Variants in FRMD4A observed in about 807,000 individuals in gnomAD.
The protein encoded by FRMD4A is FERM domain-containing protein 4A.
Under a neutral mutation model 129.1 loss-of-function variants are expected in FRMD4A, and 29 were observed. The observed-to-expected ratio is 0.22, with a 90% CI of 0.17 to 0.31. The LOEUF is 0.31. Among genes scored for constraint, FRMD4A ranks in the 10% least tolerant of loss-of-function variants. The pLI is 1.00. For missense variants in FRMD4A, 1,272 were observed against 1,375.8 expected (o/e 0.92, Z 1.19); for synonymous variants, 634 against 571.6 (o/e 1.11, Z -1.56).
chr10:13,932,958 C>G (rs113704783), intron 2 of FRMD4A, among the ~76,000 whole-genome samples: 1 of 151,994 alleles, frequency 6.6e-6, no homozygotes, highest in African/African-American at 2.4e-5. Context: ...CTGAGGATTT[C>G]GAGACCATCC....
rs3032918 is a variant in FRMD4A, at chr10:13,881,252, T to TAAAA, written c.46-22344_46-22341dup. ...GGCAATCTAGTGAGACCCCCATCTC[T>TAAAA]AAAAAAAAAAAAAAAAAAAAATTAG... is the stretch of plus-strand genomic sequence containing the variant. On this transcript the variant is annotated intron_variant, in intron 2 of 24. Coordinates refer to ENST00000357447, the MANE Select transcript of FRMD4A (RefSeq NM_018027.5). Among the ~76,000 whole-genome samples the TAAAA allele has an allele frequency of 5.7e-3, 686 of 120,294 alleles. 6 individuals carry two copies. The highest frequency in any genetic ancestry group is 0.021 in the African/African-American group (661 of 31,490). 78.9% of individuals were successfully genotyped at this position (120,294 alleles called of 152,430 possible).
At chr10:14,149,270 T>C (rs1840229122) in intron 2 of FRMD4A, among the ~76,000 whole-genome samples, 2 of 152,214 alleles carry the variant, frequency 1.3e-5, no homozygotes, top group Admixed American at 1.3e-4. Flanking sequence ...ATATTAGTTA[T>C]AATGGAGACA....
intron 3 of FRMD4A, among the ~76,000 whole-genome samples, chr10:13,839,061 T>C (rs913961296): frequency 1.4e-5 from 2 of 143,804 alleles, no homozygotes; most frequent in Admixed American, 7.4e-5. Context: ...CAGTGGTGGA[T>C]CTTGGCTTAC....
intron 2 of FRMD4A, among the ~76,000 whole-genome samples, chr10:14,185,699 C>T (rs937484831): frequency 3.3e-5 from 5 of 152,188 alleles, no homozygotes; most frequent in Admixed American, 1.3e-4. Context: ...AGCAGCTCAA[C>T]AGTGGCACCT....
At chr10:14,098,448 G>T (rs1837117811) in intron 2 of FRMD4A, among the ~76,000 whole-genome samples, 1 of 151,042 alleles carries the variant, frequency 6.6e-6, no homozygotes, top group Admixed American at 6.6e-5. Flanking sequence ...CTGTCACCCA[G>T]GCTGGAGTGC....
At chr10:13,682,037 T>C (rs377747150) in intron 15 of FRMD4A, among the ~76,000 whole-genome samples, 4 of 151,108 alleles carry the variant, frequency 2.6e-5, no homozygotes, top group South Asian at 4.2e-4. Flanking sequence ...TTGGGCAACA[T>C]AGCCAGACCT....
intron 2 of FRMD4A, among the ~76,000 whole-genome samples, chr10:13,926,020 C>A (rs2095129968): frequency 6.6e-6 from 1 of 151,452 alleles, no homozygotes; most frequent in African/African-American, 2.4e-5. Context: ...CTTTTTATTT[C>A]TCCTATTAGG....
intron 2 of FRMD4A, among the ~76,000 whole-genome samples, chr10:13,973,718 G>T (rs2095529792): frequency 1.4e-5 from 2 of 145,184 alleles, no homozygotes; most frequent in Admixed American, 6.7e-5. Context: ...AAGGTAGGAC[G>T]ATAGGAAGAT....
At chr10:14,012,348 A>G (rs146478144) in intron 2 of FRMD4A, among the ~76,000 whole-genome samples, 3 of 152,318 alleles carry the variant, frequency 2.0e-5, no homozygotes, top group South Asian at 2.1e-4. Context: ...TCCAGTCTCA[A>G]TGAAAATGTT....
At chr10:13,659,736 G>A (rs910902215) in intron 20 of FRMD4A, among the ~76,000 whole-genome samples, 4 of 151,970 alleles carry the variant, frequency 2.6e-5, no homozygotes, top group East Asian at 3.9e-4. Context: ...GCAGTGTGAC[G>A]GTCCTGCCCT....
At chr10:13,803,754 A>G (rs140472550) in intron 4 of FRMD4A, among the ~76,000 whole-genome samples, 10,767 of 152,290 alleles carry the variant, frequency 0.071, 451 homozygotes, top group African/African-American at 0.12. Context: ...AGTGGTTAAG[A>G]GCAGATGCTA....
intron 2 of FRMD4A, among the ~76,000 whole-genome samples, chr10:14,094,535 A>G (rs558725935): frequency 6.6e-4 from 100 of 152,164 alleles, no homozygotes; most frequent in Non-Finnish European, 1.1e-3. Context: ...AGGGTCACCC[A>G]TGCTGTTCCT....
At chr10:14,049,970 C>T (rs7080848) in intron 2 of FRMD4A, among the ~76,000 whole-genome samples, 6,095 of 152,270 alleles carry the variant, frequency 0.04, 387 homozygotes, top group African/African-American at 0.14. Flanking sequence ...CATATTCTCA[C>T]GTCGACAATA....
intron 8 of FRMD4A, among the ~76,000 whole-genome samples, chr10:13,756,471 C>T (rs11258584): frequency 0.25 from 38,388 of 152,108 alleles, 5,480 homozygotes; most frequent in East Asian, 0.53. Context: ...AAGCAATCCT[C>T]CCACCTCAGC....
At chr10:14,048,002 C>A (rs1834062155) in intron 2 of FRMD4A, among the ~76,000 whole-genome samples, 1 of 152,192 alleles carries the variant, frequency 6.6e-6, no homozygotes, top group Non-Finnish European at 1.5e-5. Context: ...CACAGCCCAG[C>A]ACATAGTCAC....
intron 2 of FRMD4A, among the ~76,000 whole-genome samples, chr10:13,964,674 GTT>G (rs35812447): frequency 0.17 from 21,236 of 128,358 alleles, 1,351 homozygotes; most frequent in East Asian, 0.22. Flanking sequence ...CTCTTCTTTT[GTT>G]TTTTTTTTTT....
At chr10:14,212,166 C>T (rs1469320014) in intron 2 of FRMD4A, among the ~76,000 whole-genome samples, 2 of 152,174 alleles carry the variant, frequency 1.3e-5, no homozygotes, top group Non-Finnish European at 2.9e-5. Flanking sequence ...CACCCCTCAC[C>T]TTCCCTATGG....
rs966743732 is a variant in FRMD4A, at chr10:13,763,929, A to G, written c.385-1249T>C. Among the ~76,000 whole-genome samples, 13 of 151,976 alleles carry G rather than the reference A, an allele frequency of 8.6e-5. 1 individual carries two copies. Among genetic ancestry groups the G allele is most frequent in the African/African-American group, 3.1e-4 (13 of 41,382 alleles). ...TTTTTGTATTTAGTACAGACGGGGT[A>G]CCAGGTTGGCCAGGCTGGTCTGGAA... is the stretch of plus-strand genomic sequence containing the variant. On this transcript the variant is annotated intron_variant, in intron 6 of 24. Transcript: ENST00000357447.
chr10:13,658,290 G>A (rs201251258), intron 21 of FRMD4A, among the ~76,000 whole-genome samples: 3 of 152,136 alleles, frequency 2.0e-5, no homozygotes, highest in Non-Finnish European at 4.4e-5. Context: ...TGTGAAAACT[G>A]GGAAATAGAA....
Sources: allele counts gnomAD v4.1 joint callset (sites outside exome capture counted in the v4.1 genomes callset), GRCh38; gene constraint gnomAD v4.1.1; transcripts MANE v1.5; gene names NCBI Gene and HGNC (gene_info 2026-07-23, HGNC 2026-07-21).